The following F5 variants were observed in gnomAD, a reference collection of about 807,000 sequenced individuals.
F5 encodes activated protein c cofactor.
F5 carries 138 observed loss-of-function variants against 216.4 expected under a neutral mutation model. That is an observed-to-expected ratio of 0.64 (90% CI 0.56 to 0.73). F5 has a LOEUF of 0.73. Among genes scored for constraint, F5 ranks in the 30% least tolerant of loss-of-function variants. The pLI is 0.00. For missense variants in F5, 2,403 were observed against 2,674.0 expected (o/e 0.90, Z 2.24); for synonymous variants, 916 against 930.7 (o/e 0.98, Z 0.29).
chr1:169,525,392 T>G (rs1039806896), intron 18 of F5, among the ~76,000 whole-genome samples: 1 of 152,126 alleles, frequency 6.6e-6, no homozygotes, highest in Non-Finnish European at 1.5e-5. Flanking sequence ...TTCTCAAAAG[T>G]TGACCTCAAA....
At chr1:169,544,857 A>AATTC (rs1320129501) in intron 11 of F5, among the ~76,000 whole-genome samples, 3 of 152,214 alleles carry the variant, frequency 2.0e-5, no homozygotes, top group African/African-American at 7.2e-5. Context: ...TAATATAAGA[A>AATTC]ATTCATCTTT....
At chr1:169,566,227 T>C (rs536168726) in intron 3 of F5, among the ~76,000 whole-genome samples, 3 of 152,184 alleles carry the variant, frequency 2.0e-5, no homozygotes, top group African/African-American at 7.2e-5. Flanking sequence ...AGTTGAAAAA[T>C]GATGTTTCTG....
rs572508228 is a variant in F5, at chr1:169,558,268, A to G, written c.730+885T>C. ...AGTTAACTAAGCCCCAGTTTTTACA[A>G]GCTCCTAGTATTGGAACTTGGGATC... On this transcript the variant is annotated intron_variant, in intron 5 of 24. Transcript: ENST00000367797. Among the ~76,000 whole-genome samples the G allele has an allele frequency of 2.6e-5, 4 of 152,292 alleles. No homozygotes were observed. The South Asian group carries it at 8.3e-4, about 32-fold the overall frequency.
chr1:169,581,714 A>G (rs891547638), intron 2 of F5, among the ~76,000 whole-genome samples: 17 of 152,194 alleles, frequency 1.1e-4, no homozygotes, highest in Admixed American at 8.5e-4. Context: ...CCTGCGGAAT[A>G]TGGTATCATA....
intron 14 of F5, among the ~76,000 whole-genome samples, chr1:169,532,781 T>A (rs948495401): frequency 6.6e-6 from 1 of 152,300 alleles, no homozygotes; most frequent in East Asian, 1.9e-4. Flanking sequence ...AGAATCAGTA[T>A]TGTTAAAATA....
intron 3 of F5, among the ~76,000 whole-genome samples, chr1:169,567,004 C>A (rs1248632095): frequency 6.6e-6 from 1 of 151,988 alleles, no homozygotes; most frequent in East Asian, 1.9e-4. Flanking sequence ...ACAAAGTACC[C>A]TGGATTGAGT....
rs576975311 is a variant in F5 at position 169,515,488 on chromosome 1, C to T, written c.6484G>A (p.Val2162Met). ...TTCAGCCTGTATGGTTTCCATTCCA[C>T]TCCCTGCTCACTGTAGTGGATGGTA... ...SYTIHYSEQG[V>M]EWKPYRLKSS... Residue 2162 changes from valine to methionine, a missense_variant, in exon 24 of 25, where the codon GTG becomes ATG. By Grantham distance (21) the Val-to-Met change is conservative. This residue lies in a region of F5 where 659 missense variants were observed against 787.9 expected (regional missense o/e 0.84). Coordinates refer to ENST00000367797, the MANE Select transcript of F5 (RefSeq NM_000130.5). 2 of 1,613,576 alleles carry T rather than the reference C, an allele frequency of 1.2e-6. No homozygotes were observed. The highest frequency in any genetic ancestry group is 2.7e-5 in the African/African-American group (2 of 75,000).
rs2301515 is a variant in F5, at chr1:169,524,958, C to T, written c.5717-50G>A. On this transcript the variant is annotated intron_variant, in intron 18 of 24. Coordinates refer to ENST00000367797, the MANE Select transcript of F5 (RefSeq NM_000130.5). ...ATAATTTTTGCTTAGAAAATATATACAATAAAGTAAAACTCCATGGTTAGG... is the reference window on the plus strand; with the variant it reads ...ATAATTTTTGCTTAGAAAATATATATAATAAAGTAAAACTCCATGGTTAGG... The T allele has an allele frequency of 0.38, 522,043 of 1,382,126 alleles. 109,932 individuals carry two copies. The highest frequency in any genetic ancestry group is 0.91 in the East Asian group (36,790 of 40,612). The allele number at this position is 1,382,126 out of a possible 1,614,324, so 85.6% of individuals were successfully genotyped here.
Position 169,529,827 on chromosome 1 carries a change from A to G in F5, c.5209-9T>C. ...GAGTGAATATCTTTTTCCTGGAAAA[A>G]CAGAGTAAATTGTATTGCCTCTTTC... On this transcript the variant is annotated splice_polypyrimidine_tract_variant and intron_variant, in intron 15 of 24. Transcript: ENST00000367797. The G allele has an allele frequency of 3.7e-6, 6 of 1,610,514 alleles. No individual in the cohort carries two copies. The highest frequency in any genetic ancestry group is 5.1e-6 in the Non-Finnish European group (6 of 1,177,256).
chr1:169,518,224 T>C (rs1327825128), intron 23 of F5, among the ~76,000 whole-genome samples, 188 bp downstream of exon 23: 1 of 152,170 alleles, frequency 6.6e-6, no homozygotes, highest in African/African-American at 2.4e-5. Context: ...AAATGACTTC[T>C]CTCTGAGACA....
At position 169,529,610 on chromosome 1, in the gene F5, T is replaced by A; in HGVS notation, c.5417A>T (p.His1806Leu). 6.2e-7 allele frequency: 1 copy of A among 1,613,426 alleles called. No individual in the cohort carries two copies. The highest frequency in any genetic ancestry group is 8.5e-7 in the Non-Finnish European group (1 of 1,179,514). The part of the protein sequence containing the change: ...SSEMKKSHEF[H>L]AINGMIYSLP... ...AGATCAAAGTCTGAGGAAAATACCGTGAAACTCATGGGATTTTTTCATTTC... is the reference window on the plus strand; with the variant it reads ...AGATCAAAGTCTGAGGAAAATACCGAGAAACTCATGGGATTTTTTCATTTC... The change falls in exon 16 of 25, where the codon CAC becomes CTC. Residue 1806 changes from histidine (H) to leucine (L), a missense_variant and splice_region_variant. This residue lies in a region of F5 where 659 missense variants were observed against 787.9 expected (regional missense o/e 0.84). Transcript: ENST00000367797.
intron 3 of F5, among the ~76,000 whole-genome samples, chr1:169,569,372 T>A (rs1660676611): frequency 6.6e-6 from 1 of 152,074 alleles, no homozygotes; most frequent in African/African-American, 2.4e-5. Flanking sequence ...TTTTGTGACA[T>A]CACATTCATA....
At chr1:169,554,597 T>G (rs1384889070) in intron 7 of F5, among the ~76,000 whole-genome samples, 11 of 152,248 alleles carry the variant, frequency 7.2e-5, no homozygotes. Context: ...AAAGGGTATA[T>G]GCATTTAGAA....
At chr1:169,585,415 T>G (rs1416670575) in intron 1 of F5, among the ~76,000 whole-genome samples, 1 of 152,210 alleles carries the variant, frequency 6.6e-6, no homozygotes, top group Admixed American at 6.5e-5. Flanking sequence ...ACTAGCAGGT[T>G]TACCATTTAA....
At chr1:169,568,311 A>G (rs150141164) in intron 3 of F5, among the ~76,000 whole-genome samples, 2 of 152,290 alleles carry the variant, frequency 1.3e-5, no homozygotes, top group Admixed American at 6.5e-5. Context: ...GATATATTCT[A>G]TAATTACACT....
Position 169,526,024 on chromosome 1 carries a change from TA to T in F5, c.5600-8del, listed in dbSNP as rs1160965822. The T allele has an allele frequency of 6.3e-7, 1 of 1,592,056 alleles. No individual in the cohort carries two copies. Among genetic ancestry groups the T allele is most frequent in the African/African-American group, 1.3e-5 (1 of 74,414 alleles). On this transcript the variant is annotated splice_region_variant and splice_polypyrimidine_tract_variant and intron_variant, in intron 17 of 24. Transcript: ENST00000367797. ...TCAAGAGTTTTAAATGAACCTAAAA[TA>T]AAAAGAACAACATTACATTTGCAAA...
chr1:169,533,182 G>A (rs577771932), intron 14 of F5, among the ~76,000 whole-genome samples: 28 of 152,188 alleles, frequency 1.8e-4, no homozygotes, highest in South Asian at 8.3e-4. Flanking sequence ...TGGAATAGCC[G>A]GCTACCCATA....
Position 169,526,029 on chromosome 1 carries a change from A to C in F5, c.5600-12T>G. 6.3e-7 allele frequency: 1 copy of C among 1,577,630 alleles called. No homozygotes were observed. Among genetic ancestry groups the C allele is most frequent in the Non-Finnish European group, 8.7e-7 (1 of 1,148,052 alleles). ...AGTTTTAAATGAACCTAAAATAAAA[A>C]GAACAACATTACATTTGCAAAAATT... On this transcript the variant is annotated splice_polypyrimidine_tract_variant and intron_variant, in intron 17 of 24. Coordinates refer to ENST00000367797, the MANE Select transcript of F5 (RefSeq NM_000130.5).
chr1:169,575,402 C>G (rs771356924), intron 2 of F5, among the ~76,000 whole-genome samples: 3 of 152,112 alleles, frequency 2.0e-5, no homozygotes, highest in African/African-American at 7.2e-5. Context: ...AGAGTTTTCC[C>G]TTTAGCCTAA....
Sources: gnomAD v4.1 joint callset for allele counts (sites outside exome capture counted in the v4.1 genomes callset) on GRCh38, gnomAD v4.1.1 for gene constraint, gnomAD v4.1.1 regional missense constraint, MANE v1.5 for transcripts, NCBI Gene and HGNC (gene_info 2026-07-23, HGNC 2026-07-21) for gene names.